The following ZNF578 variants were observed in gnomAD, a reference collection of about 807,000 sequenced individuals.
The protein encoded by ZNF578 is zinc finger protein 578.
ZNF578 carries 8 observed loss-of-function variants against 8.3 expected under a neutral mutation model. That is an observed-to-expected ratio of 0.96 (90% CI 0.56 to 1.74). The LOEUF is 1.74. ZNF578 is among the 40% of genes most tolerant of loss of function. The pLI, the probability that ZNF578 is intolerant of heterozygous loss-of-function variation, is 0.00. For synonymous variants in ZNF578, 206 were observed against 232.2 expected, an observed-to-expected ratio of 0.89 and a Z score of 1.03; for missense variants, 726 against 707.5, an observed-to-expected ratio of 1.03 and a Z score of -0.30.
intron 2 of ZNF578, among the ~76,000 whole-genome samples, chr19:52,487,710 G>C (rs61039331): frequency 0.042 from 6,395 of 150,788 alleles, 435 homozygotes; most frequent in African/African-American, 0.15. Flanking sequence ...TCTAACTGCA[G>C]CCTTGACCTC....
At chr19:52,471,029 C>T (rs939207864) in intron 2 of ZNF578, among the ~76,000 whole-genome samples, 14 of 152,080 alleles carry the variant, frequency 9.2e-5, no homozygotes, top group Non-Finnish European at 1.5e-4. Context: ...GGCACCTACC[C>T]CCACCCACTT....
intron 2 of ZNF578, chr19:52,458,560 T>G (rs901631624): frequency 1.3e-5 from 2 of 150,392 alleles, no homozygotes; most frequent in Non-Finnish European, 3.0e-5. Context: ...TTTATTATTT[T>G]GGGGACATGT....
At chr19:52,482,942 C>CAAAAA (rs35843945) in intron 2 of ZNF578, among the ~76,000 whole-genome samples, 1 of 55,424 alleles carries the variant, frequency 1.8e-5, no homozygotes, top group South Asian at 6.2e-4. Context: ...CTCTGTCTCC[C>CAAAAA]AAAAAAAAAA....
At chr19:52,503,545 G>A (rs1022270707) in intron 4 of ZNF578, among the ~76,000 whole-genome samples, 1 of 152,102 alleles carries the variant, frequency 6.6e-6, no homozygotes, top group African/African-American at 2.4e-5. Flanking sequence ...TATGGTTTCA[G>A]CATGTTCCCA....
intron 5 of ZNF578, 41 bp downstream of exon 5, chr19:52,504,822 G>C (rs1487558998): frequency 5.0e-6 from 8 of 1,611,520 alleles, no homozygotes; most frequent in Non-Finnish European, 6.8e-6. Flanking sequence ...GTCTGCTCTT[G>C]TCTGTCTTGG....
intron 3 of ZNF578, among the ~76,000 whole-genome samples, chr19:52,500,272 A>C (rs535610029): frequency 9.7e-4 from 147 of 152,146 alleles, no homozygotes; most frequent in Non-Finnish European, 2.0e-3. Flanking sequence ...ACATCAATCA[A>C]TATATGTAAG....
intron 3 of ZNF578, among the ~76,000 whole-genome samples, chr19:52,496,454 C>T (rs771977680): frequency 6.9e-6 from 1 of 145,634 alleles, no homozygotes; most frequent in Non-Finnish European, 1.5e-5. Context: ...CTCAGCCTCC[C>T]GAGTAGCTGG....
chr19:52,495,864 G>A (rs1031822408), intron 3 of ZNF578, among the ~76,000 whole-genome samples: 1 of 152,060 alleles, frequency 6.6e-6, no homozygotes, highest in African/African-American at 2.4e-5. Flanking sequence ...CCTTTTCATG[G>A]CTGGGGTCGG....
intron 2 of ZNF578, among the ~76,000 whole-genome samples, chr19:52,477,247 G>A (rs914650312): frequency 6.6e-6 from 1 of 152,152 alleles, no homozygotes; most frequent in African/African-American, 2.4e-5. Flanking sequence ...CTGGCAGGGA[G>A]ATCTTATCCT....
At chr19:52,503,800 C>CTTCT in intron 4 of ZNF578, among the ~76,000 whole-genome samples, 1 of 125,510 alleles carries the variant, frequency 8.0e-6, no homozygotes, top group African/African-American at 2.9e-5. Context: ...CCTGTGTTTG[C>CTTCT]TTTTTTTTTT....
At chr19:52,460,108 A>G (rs893792727) in intron 2 of ZNF578, among the ~76,000 whole-genome samples, 2 of 151,764 alleles carry the variant, frequency 1.3e-5, no homozygotes, top group African/African-American at 4.8e-5. Flanking sequence ...ATATACACAC[A>G]CAAATATATA....
At chr19:52,473,197 C>T (rs1405697462) in intron 2 of ZNF578, 1 of 152,384 alleles carries the variant, frequency 6.6e-6, no homozygotes, top group Non-Finnish European at 1.5e-5. Context: ...TGTTGATTAA[C>T]GCTCATGATG....
intron 3 of ZNF578, among the ~76,000 whole-genome samples, chr19:52,497,439 C>T (rs1300345964): frequency 3.9e-5 from 6 of 152,142 alleles, no homozygotes; most frequent in Non-Finnish European, 7.4e-5. Flanking sequence ...AGGCAGGTCT[C>T]GAACTGCTAA....
rs980188675 is a variant in ZNF578, at chr19:52,514,641, G to A, written c.*2487G>A. Reference sequence around the variant, plus strand: ...GAAACATGGGCTGGAGTGGCATAGAGCGCTGCTCCAAAAGCACCCATGTAT... The same window carrying A: ...GAAACATGGGCTGGAGTGGCATAGAACGCTGCTCCAAAAGCACCCATGTAT... On this transcript the variant is annotated 3_prime_UTR_variant, in exon 6 of 6. Transcript: ENST00000421239. Among the ~76,000 whole-genome samples the A allele has an allele frequency of 2.0e-5, 3 of 152,118 alleles. No homozygotes were observed. Among genetic ancestry groups the A allele is most frequent in the African/African-American group, 4.8e-5 (2 of 41,418 alleles).
rs781350775 is a variant in ZNF578 at position 52,504,772 on chromosome 19, G to T, written c.181G>T (p.Glu61Ter). Reference protein sequence around the residue: ...EVMLENYRNLEAVDISSKRMM... With the variant: ...EVMLENYRNL Reference sequence around the variant, plus strand: ...GATGTTGGAGAACTACAGGAACCTGGAGGCTGTGGGTGAGGAAAATGTCCC... The same window carrying T: ...GATGTTGGAGAACTACAGGAACCTGTAGGCTGTGGGTGAGGAAAATGTCCC... The change falls in exon 5 of 6, where the codon GAG becomes TAG. Residue 61 changes from glutamate (E) to a stop codon, truncating the protein, a stop_gained. Transcript: ENST00000421239. LOFTEE classifies it low-confidence loss of function (END_TRUNC). 18 of 1,614,140 alleles carry T rather than the reference G, an allele frequency of 1.1e-5. No individual in the cohort carries two copies. The highest frequency in any genetic ancestry group is 1.3e-5 in the Non-Finnish European group (15 of 1,180,012).
rs2059408684 is a variant in ZNF578, at chr19:52,501,840, A to G, written c.-6A>G. 1 of 1,613,106 alleles carries G rather than the reference A, an allele frequency of 6.2e-7. No individual in the cohort carries two copies. Among genetic ancestry groups the G allele is most frequent in the African/African-American group, 1.3e-5 (1 of 74,850 alleles). ...TTCCACATACAGGATTGATTTCTAA[A>G]GACTCATGTTACATGAGGAAGCAGC... On this transcript the variant is annotated 5_prime_UTR_variant, in exon 4 of 6. Coordinates refer to ENST00000421239, the MANE Select transcript of ZNF578 (RefSeq NM_001099694.2).
chr19:52,501,245 G>T (rs1568464988), intron 3 of ZNF578, among the ~76,000 whole-genome samples: 1 of 152,218 alleles, frequency 6.6e-6, no homozygotes, highest in African/African-American at 2.4e-5. Context: ...GCCCCAAGCG[G>T]AGGGCAGAGC....
At chr19:52,494,842 A>C (rs149070335) in intron 3 of ZNF578, among the ~76,000 whole-genome samples, 2 of 152,168 alleles carry the variant, frequency 1.3e-5, no homozygotes, top group African/African-American at 4.8e-5. Context: ...TTAATTAATT[A>C]ATATTTTGAG....
chr19:52,504,192 G>A (rs1310136426), intron 4 of ZNF578, among the ~76,000 whole-genome samples: 3 of 151,774 alleles, frequency 2.0e-5, no homozygotes, highest in African/African-American at 4.8e-5. Context: ...CTGACTTCAA[G>A]TGATTCTCCT....
Sources: gnomAD v4.1 joint callset for allele counts (sites outside exome capture counted in the v4.1 genomes callset) on GRCh38, gnomAD v4.1.1 for gene constraint, MANE v1.5 for transcripts, NCBI Gene and HGNC (gene_info 2026-07-23, HGNC 2026-07-21) for gene names.